The following GRM7 variants were observed in gnomAD, a reference collection of about 807,000 sequenced individuals.
The protein encoded by GRM7 is glutamate metabotropic receptor 7, also known as metabotropic glutamate receptor 7.
Under a neutral mutation model 84.5 loss-of-function variants are expected in GRM7, and 35 were observed. The ratio of observed to expected loss-of-function variants is 0.41; its 90% confidence interval spans 0.32 to 0.55. The LOEUF (loss-of-function observed/expected upper bound fraction) is 0.55, where lower values mean the gene tolerates loss of function less well. Among genes scored for constraint, GRM7 ranks in the 20% least tolerant of loss-of-function variants. The pLI is 0.19. For synonymous variants in GRM7, 487 were observed against 455.1 expected, an observed-to-expected ratio of 1.07 and a Z score of -0.89; for missense variants, 1,003 against 1,194.6, an observed-to-expected ratio of 0.84 and a Z score of 2.36.
Position 7,739,682 on chromosome 3 carries a change from G to T in GRM7, c.2699-675G>T, listed in dbSNP as rs541837838. Among the ~76,000 whole-genome samples, 3 of 152,260 alleles carry T rather than the reference G, an allele frequency of 2.0e-5. No homozygotes were observed. In the East Asian group the frequency reaches 5.8e-4, roughly 29 times the overall value. On this transcript the variant is annotated intron_variant, in intron 9 of 9. Coordinates refer to ENST00000357716, the MANE Select transcript of GRM7 (RefSeq NM_000844.4). ...GCAATACAGTAGATACATATTTACT[G>T]CCTGAGTGAGTGAGTGAAGGTGAGT...
At chr3:7,615,567 T>C (rs762393537) in intron 8 of GRM7, among the ~76,000 whole-genome samples, 4 of 152,186 alleles carry the variant, frequency 2.6e-5, no homozygotes, top group Admixed American at 6.6e-5. Flanking sequence ...ATATTTTTCC[T>C]ATGGAAAACT....
intron 5 of GRM7, among the ~76,000 whole-genome samples, chr3:7,426,632 G>C (rs534637832): frequency 1.3e-5 from 2 of 152,242 alleles, no homozygotes; most frequent in East Asian, 3.9e-4. Flanking sequence ...CCTTCTGAGA[G>C]ACACTTGCCT....
intron 7 of GRM7, among the ~76,000 whole-genome samples, chr3:7,510,486 T>C (rs1700165918): frequency 6.6e-6 from 1 of 152,132 alleles, no homozygotes; most frequent in Non-Finnish European, 1.5e-5. Flanking sequence ...AATGAACAAA[T>C]AAGGAATGAA....
intron 8 of GRM7, among the ~76,000 whole-genome samples, chr3:7,667,157 A>G (rs902445979): frequency 2.6e-5 from 4 of 152,084 alleles, no homozygotes; most frequent in Non-Finnish European, 4.4e-5. Flanking sequence ...TAGTTGCACT[A>G]CTTGGGAGGC....
At chr3:6,954,547 C>A (rs1243942581) in intron 1 of GRM7, among the ~76,000 whole-genome samples, 3 of 152,098 alleles carry the variant, frequency 2.0e-5, no homozygotes, top group Admixed American at 6.6e-5. Context: ...AAAGAGGCAG[C>A]AAAGAATACC....
chr3:6,905,563 C>T (rs56702347), intron 1 of GRM7, among the ~76,000 whole-genome samples: 4,265 of 112,590 alleles, frequency 0.038, 217 homozygotes, highest in African/African-American at 0.18. Context: ...GAAACCTTAT[C>T]CCTTCCTCTT....
chr3:7,626,128 A>G (rs1697595701), intron 8 of GRM7, among the ~76,000 whole-genome samples: 1 of 152,066 alleles, frequency 6.6e-6, no homozygotes, highest in Non-Finnish European at 1.5e-5. Flanking sequence ...AAGACAGAAT[A>G]TCAGGAACTG....
intron 9 of GRM7, among the ~76,000 whole-genome samples, chr3:7,726,590 A>G (rs1702134342): frequency 8.5e-6 from 1 of 117,448 alleles, no homozygotes; most frequent in Non-Finnish European, 1.7e-5. Flanking sequence ...TGCCATATTC[A>G]TTTTCTCCGT....
At chr3:6,937,102 C>T (rs1575037063) in intron 1 of GRM7, among the ~76,000 whole-genome samples, 1 of 152,188 alleles carries the variant, frequency 6.6e-6, no homozygotes, top group East Asian at 1.9e-4. Context: ...TTTATTCTCT[C>T]CTGCCAAACT....
At chr3:7,257,558 A>T (rs1698254368) in intron 2 of GRM7, among the ~76,000 whole-genome samples, 1 of 152,188 alleles carries the variant, frequency 6.6e-6, no homozygotes, top group African/African-American at 2.4e-5. Flanking sequence ...CTGTAAGGGC[A>T]AAACCATGAA....
chr3:7,627,931 A>T lies in GRM7; in HGVS notation c.2451+48574A>T, dbSNP rs73810804. ...TTAAAAATTTCAGTCACCAAATACA[A>T]TGGCATTCTGGTGAGGTACTAGTGG... On this transcript the variant is annotated intron_variant, in intron 8 of 9. Coordinates refer to ENST00000357716, the MANE Select transcript of GRM7 (RefSeq NM_000844.4). 3.3e-5 allele frequency among the ~76,000 whole-genome samples: 5 copies of T among 152,208 alleles called. No individual in the cohort carries two copies. The South Asian group carries it at 1.0e-3, about 32-fold the overall frequency.
At chr3:7,594,094 G>C (rs1007456572) in intron 8 of GRM7, among the ~76,000 whole-genome samples, 6 of 152,136 alleles carry the variant, frequency 3.9e-5, no homozygotes, top group Non-Finnish European at 8.8e-5. Flanking sequence ...GTGTCCTAAG[G>C]CTGCTGACCC....
At chr3:6,968,264 T>C (rs1032680) in intron 1 of GRM7, among the ~76,000 whole-genome samples, 9,134 of 152,226 alleles carry the variant, frequency 0.06, 533 homozygotes, top group African/African-American at 0.14. Context: ...ACATCATCTT[T>C]CCTCTGTGCC....
At chr3:7,355,117 G>T (rs545905149) in intron 4 of GRM7, among the ~76,000 whole-genome samples, 123 of 152,212 alleles carry the variant, frequency 8.1e-4, no homozygotes, top group African/African-American at 2.9e-3. Flanking sequence ...AAAATCAGGG[G>T]TTTTTTACTT....
chr3:7,608,404 TA>T (rs1696693376), intron 8 of GRM7, among the ~76,000 whole-genome samples: 1 of 152,194 alleles, frequency 6.6e-6, no homozygotes, highest in African/African-American at 2.4e-5. Flanking sequence ...TTGACTTTTT[TA>T]ATAATAGCCA....
chr3:7,560,742 C>T (rs1328024732), intron 7 of GRM7, among the ~76,000 whole-genome samples: 1 of 152,152 alleles, frequency 6.6e-6, no homozygotes, highest in Non-Finnish European at 1.5e-5. Context: ...TTTCAGATCA[C>T]AGCTTAAGAA....
chr3:7,457,851 C>T (rs114729151), intron 6 of GRM7, among the ~76,000 whole-genome samples: 499 of 152,220 alleles, frequency 3.3e-3, no homozygotes, highest in African/African-American at 0.012. Context: ...CACCGGTTAG[C>T]CAATATCAAC....
chr3:6,942,136 T>G (rs1464534124), intron 1 of GRM7, among the ~76,000 whole-genome samples: 6 of 144,848 alleles, frequency 4.1e-5, no homozygotes, highest in Non-Finnish European at 9.2e-5. Flanking sequence ...TGAATGTATT[T>G]TCAGCTCTTT....
At chr3:7,057,330 A>G (rs571720832) in intron 1 of GRM7, among the ~76,000 whole-genome samples, 1 of 152,082 alleles carries the variant, frequency 6.6e-6, no homozygotes, top group South Asian at 2.1e-4. Flanking sequence ...TTTGTTTTAT[A>G]GATCATCCTT....
Sources: gnomAD v4.1 joint callset for allele counts (sites outside exome capture counted in the v4.1 genomes callset) on GRCh38, gnomAD v4.1.1 for gene constraint, MANE v1.5 for transcripts, NCBI Gene and HGNC (gene_info 2026-07-23, HGNC 2026-07-21) for gene names.